The following TUSC3 variants were observed in gnomAD, a reference collection of about 807,000 sequenced individuals.
TUSC3 encodes the protein dolichyl-diphosphooligosaccharide--protein glycosyltransferase subunit TUSC3.
In TUSC3, 45 loss-of-function variants were observed where a neutral mutation model predicts 44.8. The ratio of observed to expected loss-of-function variants is 1.00; its 90% confidence interval spans 0.79 to 1.29. TUSC3 has a LOEUF of 1.29. Among genes scored for constraint, TUSC3 ranks in the 50% most tolerant of loss-of-function variants. The probability of loss-of-function intolerance (pLI) is 0.00; values close to 1 mark genes in which losing one functional copy is unlikely to be tolerated. For synonymous variants in TUSC3, 212 were observed against 152.9 expected (o/e 1.39, Z -2.85); for missense variants, 519 against 437.9 (o/e 1.19, Z -1.65).
intron 6 of TUSC3, among the ~76,000 whole-genome samples, chr8:15,720,350 C>G (rs892662220): frequency 1.3e-5 from 2 of 151,746 alleles, no homozygotes; most frequent in Non-Finnish European, 2.9e-5. Flanking sequence ...TATAAAATTA[C>G]CTCAAAATTT....
At chr8:15,763,887 C>G (rs1812249049) in intron 10 of TUSC3, among the ~76,000 whole-genome samples, 1 of 151,990 alleles carries the variant, frequency 6.6e-6, no homozygotes, top group African/African-American at 2.4e-5. Flanking sequence ...CTTGTATTTC[C>G]CCTACATTAC....
At chr8:15,543,135 G>T (rs1253622481) in intron 1 of TUSC3, among the ~76,000 whole-genome samples, 3 of 152,148 alleles carry the variant, frequency 2.0e-5, no homozygotes, top group African/African-American at 7.2e-5. Context: ...ACAGTATGTG[G>T]TCTCTTTCTG....
At chr8:15,614,345 A>AC in intron 1 of TUSC3, among the ~76,000 whole-genome samples, 1 of 152,252 alleles carries the variant, frequency 6.6e-6, no homozygotes. Context: ...TGTATGATTA[A>AC]ATGACTTTCA....
chr8:15,794,715 A>G, the TUSC3 span, among the ~76,000 whole-genome samples: 3 of 32,630 alleles, frequency 9.2e-5, no homozygotes, highest in Non-Finnish European at 2.2e-4. Flanking sequence ...GAGGAAGCCT[A>G]ATAATGCTTT....
chr8:15,665,954 T>G (rs1230815590), intron 5 of TUSC3, among the ~76,000 whole-genome samples: 1 of 151,412 alleles, frequency 6.6e-6, no homozygotes, highest in Non-Finnish European at 1.5e-5. Flanking sequence ...CCTCACCCCC[T>G]AAACACGGAG....
At position 15,734,980 on chromosome 8, in the gene TUSC3, T is replaced by C. The variant is rs747296869; in HGVS notation, c.862+4251T>C. On this transcript the variant is annotated intron_variant, in intron 7 of 10. Transcript: ENST00000503731. Reference sequence around the variant, plus strand: ...CGTAGTAGATGCAGTGCAATTAATATGCCAATTTTATATATTTGGCATTGG... The same window carrying C: ...CGTAGTAGATGCAGTGCAATTAATACGCCAATTTTATATATTTGGCATTGG... Among the ~76,000 whole-genome samples the C allele has an allele frequency of 9.8e-5, 15 of 152,328 alleles. 1 individual carries two copies. Among genetic ancestry groups the C allele is most frequent in the South Asian group, 4.1e-4 (2 of 4,826 alleles).
At position 15,629,963 on chromosome 8, in the gene TUSC3, A is replaced by G. The variant is rs564970971; in HGVS notation, c.308+6714A>G. ...AACTCCTCGGCCAAATAAAGTTGTT[A>G]ATTAAGACTACTCTATATAATTCTC... On this transcript the variant is annotated intron_variant, in intron 2 of 10. Transcript: ENST00000503731. Among the ~76,000 whole-genome samples the G allele has an allele frequency of 9.2e-5, 14 of 152,154 alleles. No homozygotes were observed. The South Asian group carries it at 2.5e-3, about 27-fold the overall frequency.
chr8:15,682,268 C>T (rs1808457537), intron 6 of TUSC3, among the ~76,000 whole-genome samples: 1 of 152,112 alleles, frequency 6.6e-6, no homozygotes, highest in African/African-American at 2.4e-5. Context: ...CGACATTCCC[C>T]ACTATTATTG....
chr8:15,643,743 G>T (rs190817597), intron 2 of TUSC3, among the ~76,000 whole-genome samples: 3 of 152,242 alleles, frequency 2.0e-5, no homozygotes, highest in East Asian at 1.9e-4. Flanking sequence ...AGTGAATTCA[G>T]CTGGGCCCTG....
intron 1 of TUSC3, among the ~76,000 whole-genome samples, chr8:15,555,097 C>G (rs1802199659): frequency 6.9e-6 from 1 of 145,540 alleles, no homozygotes; most frequent in African/African-American, 2.5e-5. Context: ...CATAAGATTT[C>G]TCCTTGATTA....
At chr8:15,520,180 G>A (rs1205068104) in intron 2 of TUSC3, among the ~76,000 whole-genome samples, 1 of 152,126 alleles carries the variant, frequency 6.6e-6, no homozygotes, top group Non-Finnish European at 1.5e-5. Flanking sequence ...TTTTCTGCAA[G>A]GCATTATGAA....
intron 1 of TUSC3, among the ~76,000 whole-genome samples, chr8:15,435,044 T>C (rs1306297348): frequency 1.3e-5 from 2 of 148,366 alleles, no homozygotes; most frequent in East Asian, 3.9e-4. Context: ...CCTTTGGGTA[T>C]ATACCCAGTA....
chr8:15,711,194 C>G (rs1289132162), intron 6 of TUSC3, among the ~76,000 whole-genome samples: 1 of 151,646 alleles, frequency 6.6e-6, no homozygotes, highest in African/African-American at 2.4e-5. Context: ...AACACTTCTT[C>G]TGAAAAATTC....
At chr8:15,667,449 C>G (rs1227855382) in intron 5 of TUSC3, among the ~76,000 whole-genome samples, 5 of 151,736 alleles carry the variant, frequency 3.3e-5, no homozygotes, top group Admixed American at 6.6e-5. Context: ...TGCTGTTACT[C>G]TGCTGATTTA....
intron 1 of TUSC3, among the ~76,000 whole-genome samples, chr8:15,483,210 G>C (rs569086435): frequency 1.3e-5 from 2 of 152,236 alleles, no homozygotes; most frequent in East Asian, 3.9e-4. Context: ...AGAAATGGGA[G>C]TAAATAGGAA....
chr8:15,541,436 A>G (rs1478022901), intron 1 of TUSC3, among the ~76,000 whole-genome samples: 1 of 152,210 alleles, frequency 6.6e-6, no homozygotes, highest in Non-Finnish European at 1.5e-5. Context: ...ATAATTGAAG[A>G]TAGTTTTTCC....
chr8:15,662,291 T>C lies in TUSC3; in HGVS notation c.703T>C (p.Ser235Pro). Residue 235 changes from serine (S) to proline (P), a missense_variant, in exon 5 of 11, where the codon TCT becomes CCT. Coordinates refer to ENST00000503731, the MANE Select transcript of TUSC3 (RefSeq NM_006765.4). ...IYNKTGWAMV[S>P]LCIVFAMTSG... is the part of the protein sequence containing the mutation. ...TAACAAGACTGGTTGGGCCATGGTG[T>C]CTCTGGTATGTTAATACATTGTGCT... 1 of 1,612,832 alleles carries C rather than the reference T, an allele frequency of 6.2e-7. No individual in the cohort carries two copies. Among genetic ancestry groups the C allele is most frequent in the Non-Finnish European group, 8.5e-7 (1 of 1,179,056 alleles).
At chr8:15,671,910 C>G (rs1458623484) in intron 5 of TUSC3, among the ~76,000 whole-genome samples, 2 of 150,624 alleles carry the variant, frequency 1.3e-5, no homozygotes, top group Non-Finnish European at 2.9e-5. Flanking sequence ...GCCTCTTTAT[C>G]TTATTCATTC....
intron 6 of TUSC3, chr8:15,689,152 C>A: frequency 2.5e-6 from 1 of 406,852 alleles, no homozygotes; most frequent in South Asian, 2.0e-5. Context: ...ATCGCTTTTT[C>A]TTTCCACTCT....
Sources: allele counts gnomAD v4.1 joint callset (sites outside exome capture counted in the v4.1 genomes callset), GRCh38; gene constraint gnomAD v4.1.1; transcripts MANE v1.5; gene names NCBI Gene and HGNC (gene_info 2026-07-23, HGNC 2026-07-21).